DOCK6: variants seen among roughly 807,000 people sequenced by gnomAD.
The protein encoded by DOCK6 is dedicator of cytokinesis protein 6.
In DOCK6, 167 loss-of-function variants were observed where a neutral mutation model predicts 230.3. The observed-to-expected ratio is 0.73, with a 90% CI of 0.64 to 0.82. The LOEUF (loss-of-function observed/expected upper bound fraction) is 0.82, where lower values mean the gene tolerates loss of function less well. Ranked by LOEUF, DOCK6 falls within the 40% of genes least tolerant of loss-of-function variation. The pLI, the probability that DOCK6 is intolerant of heterozygous loss-of-function variation, is 0.00. For synonymous variants in DOCK6, 1,148 were observed against 1,185.0 expected (o/e 0.97, Z 0.64); for missense variants, 2,598 against 2,825.8 (o/e 0.92, Z 1.83).
Position 11,253,620 on chromosome 19 carries a change from G to A in DOCK6, c.132+19C>T, listed in dbSNP as rs976136461. ...TGAGAGAGGGCAGAGGGCTGGGGGCGGACCCCCCAAATACTTACCCCCAGG... is the reference window on the plus strand; with the variant it reads ...TGAGAGAGGGCAGAGGGCTGGGGGCAGACCCCCCAAATACTTACCCCCAGG... On this transcript the variant is annotated intron_variant, in intron 2 of 47. Transcript: ENST00000294618. 9.5e-6 allele frequency: 13 copies of A among 1,370,472 alleles called. No individual in the cohort carries two copies. The highest frequency in any genetic ancestry group is 3.8e-5 in the Admixed American group (1 of 26,278). 84.9% of individuals were successfully genotyped at this position (1,370,472 alleles called of 1,614,324 possible).
chr19:11,227,348 G>A lies in DOCK6; in HGVS notation c.2944C>T (p.Arg982Cys), dbSNP rs761288602. The A allele has an allele frequency of 4.3e-6, 7 of 1,613,820 alleles. No homozygotes were observed. In the South Asian group the frequency reaches 6.6e-5, roughly 15 times the overall value. Residue 982 changes from arginine (R) to cysteine (C), a missense_variant, in exon 24 of 48, where the codon CGT becomes TGT. Coordinates refer to ENST00000294618, the MANE Select transcript of DOCK6 (RefSeq NM_020812.4). ...VGSVGLEVIT[R>C]VHKDVELAEH... ...CCTGCATCTCTCACCTTGTGGACAC[G>A]GGTGATGACCTCCAGGCCCACAGAG...
chr19:11,225,082 G>T (rs911225867), intron 24 of DOCK6, among the ~76,000 whole-genome samples: 6 of 151,874 alleles, frequency 4.0e-5, no homozygotes, highest in Non-Finnish European at 5.9e-5. Flanking sequence ...AAAAAAATTA[G>T]CCGGGCATGG....
chr19:11,206,597 G>A (rs1406256840), intron 39 of DOCK6, among the ~76,000 whole-genome samples: 1 of 151,752 alleles, frequency 6.6e-6, no homozygotes, highest in Non-Finnish European at 1.5e-5. Flanking sequence ...AGAGACTTAG[G>A]ATACAGATCA....
At position 11,238,044 on chromosome 19, in the gene DOCK6, C is replaced by T. The variant is rs368262294; in HGVS notation, c.1832+1G>A. ...AGTTCCTCACGTGTCCCCCTACATACTTGTTATGGTAGACCACCGGTGTGA... is the reference window on the plus strand; with the variant it reads ...AGTTCCTCACGTGTCCCCCTACATATTTGTTATGGTAGACCACCGGTGTGA... On this transcript the variant is annotated splice_donor_variant, in intron 16 of 47. Coordinates refer to ENST00000294618, the MANE Select transcript of DOCK6 (RefSeq NM_020812.4). LOFTEE classifies it high-confidence loss of function. The T allele has an allele frequency of 4.2e-5, 67 of 1,613,694 alleles. No individual in the cohort carries two copies. The highest frequency in any genetic ancestry group is 5.3e-5 in the Non-Finnish European group (63 of 1,179,844).
At chr19:11,232,121 G>A in intron 22 of DOCK6, 2 of 1,202,322 alleles carry the variant, frequency 1.7e-6, no homozygotes, top group Non-Finnish European at 2.2e-6. Flanking sequence ...ATGCAGCCAG[G>A]AAGGTGGGAG....
At position 11,252,193 on chromosome 19, in the gene DOCK6, G is replaced by C; in HGVS notation, c.433C>G (p.Arg145Gly). 1 of 1,582,020 alleles carries C rather than the reference G, an allele frequency of 6.3e-7. No individual in the cohort carries two copies. The highest frequency in any genetic ancestry group is 8.6e-7 in the Non-Finnish European group (1 of 1,164,074). ...SPVTTDTQRE[R>G]QKGLPRQVFE... ...ACCTGGCGGGGGAGGCCCTTCTGTC[G>C]CTCCCGCTGTGTGTCTGTGGTGACG... The change falls in exon 5 of 48, where the codon CGA becomes GGA. Residue 145 changes from arginine (R) to glycine (G), a missense_variant. Coordinates refer to ENST00000294618, the MANE Select transcript of DOCK6 (RefSeq NM_020812.4).
chr19:11,216,022 T>C, intron 30 of DOCK6, 95 bp from the exon 31 acceptor site: 5 of 1,501,920 alleles, frequency 3.3e-6, no homozygotes, highest in Non-Finnish European at 4.5e-6. Flanking sequence ...CTTTCTCACC[T>C]CCGGGCCCCT....
intron 20 of DOCK6, 137 bp from the exon 21 acceptor site, chr19:11,235,896 TTTG>T: frequency 1.2e-5 from 14 of 1,206,646 alleles, no homozygotes; most frequent in Non-Finnish European, 1.2e-5. Context: ...TTTTTTTTTT[TTTG>T]AGATGGAGTC....
chr19:11,241,429 A>C lies in DOCK6; in HGVS notation c.1643+616T>G, dbSNP rs764448457. 17 of 1,531,758 alleles carry C rather than the reference A, an allele frequency of 1.1e-5. No homozygotes were observed. In the South Asian group the frequency reaches 1.8e-4, roughly 16 times the overall value. The allele number at this position is 1,531,758 out of a possible 1,614,324, so 94.9% of individuals were successfully genotyped here. A position where few individuals can be genotyped will look rare whatever the true frequency, so the allele number is the denominator to read the frequency against. On this transcript the variant is annotated intron_variant, in intron 14 of 47. Coordinates refer to ENST00000294618, the MANE Select transcript of DOCK6 (RefSeq NM_020812.4). ...GAGGTGGCTGTCGGCTGAGGTTTCC[A>C]TTCTGACCCCCACAGGCTCACGCTG...
At chr19:11,245,421 A>G in intron 9 of DOCK6, 142 bp downstream of exon 9, 1 of 915,080 alleles carries the variant, frequency 1.1e-6, no homozygotes. Context: ...GAGTTGGATC[A>G]GGGGCCTCCT....
rs1599238638 is a variant in DOCK6 at position 11,227,229 on chromosome 19, T to C, written c.2955+108A>G. 3 of 1,466,460 alleles carry C rather than the reference T, an allele frequency of 2.0e-6. No individual in the cohort carries two copies. In the East Asian group the frequency reaches 6.9e-5, roughly 34 times the overall value. 90.8% of individuals were successfully genotyped at this position (1,466,460 alleles called of 1,614,324 possible). Reference sequence around the variant, plus strand: ...GAACGGATCCACCCAGCAAAGTGGATTCCTGGTCTTACGGCCAGGAGACAC... The same window carrying C: ...GAACGGATCCACCCAGCAAAGTGGACTCCTGGTCTTACGGCCAGGAGACAC... On this transcript the variant is annotated intron_variant, in intron 24 of 47. Transcript: ENST00000294618.
In DOCK6 at chr19:11,209,695, T is replaced by C. The variant is rs1449324027; in HGVS notation, c.4752-592A>G. Among the ~76,000 whole-genome samples the C allele has an allele frequency of 3.4e-4, 10 of 29,348 alleles. 3 individuals are homozygous for C. The highest frequency in any genetic ancestry group is 9.6e-4 in the Non-Finnish European group (10 of 10,366). 19.3% of individuals were successfully genotyped at this position (29,348 alleles called of 152,430 possible). ...ACCTGTCCATCCCTTCACTTGTCTATCCCCTCACCTGTCCATCCCTTCACC... is the reference window on the plus strand; with the variant it reads ...ACCTGTCCATCCCTTCACTTGTCTACCCCCTCACCTGTCCATCCCTTCACC... On this transcript the variant is annotated intron_variant, in intron 37 of 47. Coordinates refer to ENST00000294618, the MANE Select transcript of DOCK6 (RefSeq NM_020812.4).
At chr19:11,259,116 A>G (rs996671965) in intron 1 of DOCK6, among the ~76,000 whole-genome samples, 4 of 152,044 alleles carry the variant, frequency 2.6e-5, no homozygotes, top group African/African-American at 9.7e-5. Flanking sequence ...CAGTGGCGCA[A>G]TCACGGCTCA....
rs1454631114 is a variant in DOCK6, at chr19:11,222,646, A to C, written c.3240+89T>G. The C allele has an allele frequency of 1.5e-6, 2 of 1,366,320 alleles. No homozygotes were observed. Among genetic ancestry groups the C allele is most frequent in the Non-Finnish European group, 2.0e-6 (2 of 1,011,764 alleles). The allele number at this position is 1,366,320 out of a possible 1,614,324, so 84.6% of individuals were successfully genotyped here. On this transcript the variant is annotated intron_variant, in intron 26 of 47. Transcript: ENST00000294618. This position sits in a 1 kb window ranked among gnomAD's most constrained non-coding sequence, Gnocchi z 4.0. ...TCACCTAGGCAGTGGTCCACCGTGA[A>C]AGGGACAGAGATGAGGGAACCATAG...
chr19:11,199,498 C>T lies in DOCK6; in HGVS notation c.6143G>A (p.Ter2048=). 6.3e-7 allele frequency: 1 copy of T among 1,582,522 alleles called. No individual in the cohort carries two copies. Among genetic ancestry groups the T allele is most frequent in the East Asian group, 2.3e-5 (1 of 43,518 alleles). The change falls in exon 48 of 48, where the codon TGA becomes TAA. Residue 2048 remains the stop codon, a stop_retained_variant. Transcript: ENST00000294618. ...GGTACAGCTTTGGTCCTTGTGGGCT[C>T]AGAGGTCTGCCTTTCGGAAACTTGC... ...NRASFRKADL[*] is the part of the protein sequence containing the mutation.
rs914008974 is a variant in DOCK6, at chr19:11,249,758, C to A, written c.720+1116G>T. Reference sequence around the variant, plus strand: ...TAAAAAAAATACAAAATTAGCCGGGCGTGGTGGCTGGCGCCTGTAGTCCCA... The same window carrying A: ...TAAAAAAAATACAAAATTAGCCGGGAGTGGTGGCTGGCGCCTGTAGTCCCA... On this transcript the variant is annotated intron_variant, in intron 6 of 47. Coordinates refer to ENST00000294618, the MANE Select transcript of DOCK6 (RefSeq NM_020812.4). Among the ~76,000 whole-genome samples, 150 of 150,610 alleles carry A rather than the reference C, an allele frequency of 1.0e-3. 1 individual carries two copies. Among genetic ancestry groups the A allele is most frequent in the African/African-American group, 3.5e-3 (144 of 41,104 alleles).
intron 13 of DOCK6, among the ~76,000 whole-genome samples, chr19:11,242,689 G>A (rs539662299): frequency 6.6e-6 from 1 of 151,588 alleles, no homozygotes; most frequent in East Asian, 1.9e-4. Flanking sequence ...ATCACACCTG[G>A]CCCCCAGGCT....
Position 11,222,115 on chromosome 19 carries a change from G to C in DOCK6, c.3374C>G (p.Ala1125Gly). ...TELALALEPE[A>G]EGAFLLHKKA... ...AGACAGGAGCTCTGCTCACCCTTCA[G>C]CCTCAGGTTCGAGGGCCAGTGCCAG... The change falls in exon 27 of 48, where the codon GCT (alanine) becomes GGT (glycine). Residue 1125 changes from alanine (A) to glycine (G), a missense_variant. Coordinates refer to ENST00000294618, the MANE Select transcript of DOCK6 (RefSeq NM_020812.4). This position sits in a 1 kb window ranked among gnomAD's most constrained non-coding sequence, Gnocchi z 4.0. 1 of 1,613,054 alleles carries C rather than the reference G, an allele frequency of 6.2e-7. No individual in the cohort carries two copies. Among genetic ancestry groups the C allele is most frequent in the South Asian group, 1.1e-5 (1 of 90,896 alleles).
At chr19:11,232,155 CAT>C in intron 22 of DOCK6, 2 of 1,279,500 alleles carry the variant, frequency 1.6e-6, no homozygotes, top group Non-Finnish European at 2.0e-6. Context: ...GGTGGTGTCA[CAT>C]GAGTGCAGGG....
Sources: gnomAD v4.1 joint callset for allele counts (sites outside exome capture counted in the v4.1 genomes callset) on GRCh38, gnomAD v4.1.1 for gene constraint, Gnocchi (gnomAD v3.1) non-coding constraint, MANE v1.5 for transcripts, NCBI Gene and HGNC (gene_info 2026-07-23, HGNC 2026-07-21) for gene names.